The following SOX6 variants were observed in gnomAD, a reference collection of about 807,000 sequenced individuals.
SOX6 encodes transcription factor SOX-6.
In SOX6, 11 loss-of-function variants were observed where a neutral mutation model predicts 97.8. That is an observed-to-expected ratio of 0.11 (90% confidence interval 0.07 to 0.19). The LOEUF is 0.19. Among genes scored for constraint, SOX6 ranks in the 10% least tolerant of loss-of-function variants. SOX6 has a pLI of 1.00. For missense variants in SOX6, 810 were observed against 1,039.5 expected, an observed-to-expected ratio of 0.78 and a Z score of 3.04; for synonymous variants, 360 against 371.4, an observed-to-expected ratio of 0.97 and a Z score of 0.35.
chr11:16,504,565 T>C (rs560861998), intron 4 of SOX6, among the ~76,000 whole-genome samples: 31 of 129,088 alleles, frequency 2.4e-4, no homozygotes, highest in Non-Finnish European at 4.3e-4. Context: ...AAACCACTGA[T>C]GGAAAAAAAA....
intron 3 of SOX6, among the ~76,000 whole-genome samples, chr11:16,244,900 A>T (rs1039679747): frequency 2.6e-5 from 4 of 151,762 alleles, no homozygotes; most frequent in Admixed American, 2.6e-4. Flanking sequence ...GTGGAATAAG[A>T]ATTTGTTCTT....
chr11:16,450,155 G>A (rs537071283), intron 1 of SOX6, among the ~76,000 whole-genome samples: 9 of 152,204 alleles, frequency 5.9e-5, no homozygotes, highest in African/African-American at 2.2e-4. Flanking sequence ...TTTTTGTGAT[G>A]TAAAAAAATA....
chr11:15,986,081 C>T, intron 15 of SOX6, 123 bp downstream of exon 15: 2 of 928,674 alleles, frequency 2.2e-6, no homozygotes, highest in Non-Finnish European at 3.6e-6. Context: ...CATGGCCAAG[C>T]CCCTTCAGTA....
At chr11:16,600,750 G>A (rs117836170) in intron 4 of SOX6, among the ~76,000 whole-genome samples, 1,601 of 152,062 alleles carry the variant, frequency 0.011, 8 homozygotes, top group South Asian at 0.028. Flanking sequence ...CACAGAACAA[G>A]GAAAATAAAA....
At chr11:16,405,324 G>A (rs1858661779) in intron 1 of SOX6, among the ~76,000 whole-genome samples, 1 of 151,912 alleles carries the variant, frequency 6.6e-6, no homozygotes, top group South Asian at 2.1e-4. Flanking sequence ...TTGTGGTGAG[G>A]AAAAGAAGAC....
At chr11:16,378,927 C>CTA (rs1231232907) in intron 1 of SOX6, among the ~76,000 whole-genome samples, 1 of 151,934 alleles carries the variant, frequency 6.6e-6, no homozygotes, top group Non-Finnish European at 1.5e-5. Flanking sequence ...TTGTGATAGG[C>CTA]TATTCTAAAT....
chr11:16,333,281 A>C (rs1856364040), intron 2 of SOX6, among the ~76,000 whole-genome samples: 1 of 152,190 alleles, frequency 6.6e-6, no homozygotes, highest in Non-Finnish European at 1.5e-5. Flanking sequence ...CATTCTAATC[A>C]CAATAAGTTC....
intron 6 of SOX6, among the ~76,000 whole-genome samples, chr11:16,147,187 A>G (rs1850329457): frequency 6.6e-6 from 1 of 151,996 alleles, no homozygotes. Flanking sequence ...AAAAGGATGA[A>G]TTCATGTCCT....
intron 1 of SOX6, among the ~76,000 whole-genome samples, chr11:16,396,289 T>C (rs1312374375): frequency 2.6e-5 from 4 of 151,676 alleles, no homozygotes; most frequent in Non-Finnish European, 3.0e-5. Flanking sequence ...TAATCTACTC[T>C]TCCCAGTCTT....
intron 6 of SOX6, among the ~76,000 whole-genome samples, chr11:16,144,499 C>G (rs1470827754): frequency 6.6e-6 from 1 of 152,092 alleles, no homozygotes; most frequent in East Asian, 1.9e-4. Flanking sequence ...TAACTAAGAT[C>G]AGAGCAGAAC....
intron 4 of SOX6, among the ~76,000 whole-genome samples, chr11:16,604,301 C>T (rs1458723262): frequency 6.6e-6 from 1 of 152,228 alleles, no homozygotes; most frequent in East Asian, 1.9e-4. Context: ...GACCTGACCA[C>T]TTGACCTTTT....
At position 16,551,896 on chromosome 11, in the gene SOX6, T is replaced by G. The variant is rs528884402; in HGVS notation, n.609+60185A>C. ...CTGGGATTACAGGCATGAGCCACCATGCCTGGCCTGAAAAATTTATTCAAA... is the reference window on the plus strand; with the variant it reads ...CTGGGATTACAGGCATGAGCCACCAGGCCTGGCCTGAAAAATTTATTCAAA... On this transcript the variant is annotated intron_variant and non_coding_transcript_variant, in intron 4 of 5. Coordinates refer to the SOX6 transcript ENST00000524520. Among the ~76,000 whole-genome samples, 54 of 152,240 alleles carry G rather than the reference T, an allele frequency of 3.5e-4. No individual in the cohort carries two copies. The South Asian group carries it at 0.011, about 31-fold the overall frequency.
chr11:16,450,966 G>A (rs535067227), intron 1 of SOX6, among the ~76,000 whole-genome samples: 1 of 152,300 alleles, frequency 6.6e-6, no homozygotes, highest in South Asian at 2.1e-4. Context: ...GGGTGCAGTG[G>A]CTCATACCTG....
chr11:16,129,902 C>G (rs1210280424), intron 6 of SOX6, among the ~76,000 whole-genome samples: 1 of 152,010 alleles, frequency 6.6e-6, no homozygotes, highest in Admixed American at 6.6e-5. Flanking sequence ...ACAAAATAGG[C>G]AATAATGTCT....
chr11:16,466,656 C>T (rs1378181656), intron 1 of SOX6, among the ~76,000 whole-genome samples: 5 of 150,102 alleles, frequency 3.3e-5, no homozygotes, highest in East Asian at 1.9e-4. Flanking sequence ...TCCGGCCGGG[C>T]GCGGTGGCTC....
At chr11:16,596,929 G>A (rs1848218472) in intron 4 of SOX6, among the ~76,000 whole-genome samples, 1 of 152,082 alleles carries the variant, frequency 6.6e-6, no homozygotes, top group African/African-American at 2.4e-5. Context: ...ATTTGGCTCT[G>A]GAAGTAAGTA....
rs372070324 is a variant in SOX6 at position 16,569,672 on chromosome 11, T to C, written n.609+42409A>G. Among the ~76,000 whole-genome samples the C allele has an allele frequency of 7.2e-5, 11 of 151,768 alleles. No individual in the cohort carries two copies. The East Asian group carries it at 1.2e-3, about 16-fold the overall frequency. On this transcript the variant is annotated intron_variant and non_coding_transcript_variant, in intron 4 of 5. Coordinates refer to the SOX6 transcript ENST00000524520. ...ACCTGAGGTCAGAAGTTCGAGACCA[T>C]CCTGGCTAACATGGTGAAACCCCAT...
chr11:16,460,550 T>C (rs1399819551), intron 1 of SOX6, among the ~76,000 whole-genome samples: 2 of 152,086 alleles, frequency 1.3e-5, no homozygotes, highest in Non-Finnish European at 2.9e-5. Context: ...AATTTTTATT[T>C]CAATAAGTCT....
intron 1 of SOX6, among the ~76,000 whole-genome samples, chr11:16,406,954 A>T (rs1185262635): frequency 6.6e-6 from 1 of 152,154 alleles, no homozygotes; most frequent in South Asian, 2.1e-4. Context: ...ATTGACTTCC[A>T]ATTTAAAAAT....
Sources: allele counts gnomAD v4.1 joint callset (sites outside exome capture counted in the v4.1 genomes callset), GRCh38; gene constraint gnomAD v4.1.1; transcripts MANE v1.5; gene names NCBI Gene and HGNC (gene_info 2026-07-23, HGNC 2026-07-21).